MGMT: variants seen among roughly 807,000 people sequenced by gnomAD.
MGMT encodes methylated-DNA--protein-cysteine methyltransferase.
In MGMT, 14 loss-of-function variants were observed where a neutral mutation model predicts 15.9. The observed-to-expected ratio is 0.88, with a 90% CI of 0.58 to 1.37. MGMT has a LOEUF of 1.37. MGMT is among the 40% of genes most tolerant of loss of function. The probability of loss-of-function intolerance (pLI) is 0.00; values close to 1 mark genes in which losing one functional copy is unlikely to be tolerated. For synonymous variants in MGMT, 130 were observed against 118.2 expected (o/e 1.10, Z -0.65); for missense variants, 282 against 268.1 (o/e 1.05, Z -0.36).
chr10:129,547,362 C>G (rs1168383134), intron 2 of MGMT, among the ~76,000 whole-genome samples: 1 of 152,130 alleles, frequency 6.6e-6, no homozygotes, highest in East Asian at 1.9e-4. Context: ...ACTCACCTCC[C>G]CCCTTTCCTC....
intron 1 of MGMT, among the ~76,000 whole-genome samples, chr10:129,528,131 C>T (rs1845890775): frequency 6.6e-6 from 1 of 152,138 alleles, no homozygotes; most frequent in South Asian, 2.1e-4. Flanking sequence ...TTTTGTTCAA[C>T]ATATATTTGC....
chr10:129,765,988 T>C (rs927554007), intron 4 of MGMT, among the ~76,000 whole-genome samples: 4 of 152,158 alleles, frequency 2.6e-5, no homozygotes, highest in South Asian at 2.1e-4. Flanking sequence ...AGAGTCTCCC[T>C]GAGGACTGCA....
In MGMT at chr10:129,568,113, C is replaced by G. The variant is rs1441103622; in HGVS notation, c.125+31736C>G. Among the ~76,000 whole-genome samples, 5 of 152,194 alleles carry G rather than the reference C, an allele frequency of 3.3e-5. No individual in the cohort carries two copies. The East Asian group carries it at 9.6e-4, about 29-fold the overall frequency. ...AAAAGTATAGAAGTCAGGAATGGGC[C>G]GAGACAGCCTGGCTGTTTTTATGTG... On this transcript the variant is annotated intron_variant, in intron 2 of 4. Transcript: ENST00000651593.
intron 2 of MGMT, among the ~76,000 whole-genome samples, chr10:129,638,088 A>G (rs1161969077): frequency 6.6e-6 from 1 of 152,168 alleles, no homozygotes; most frequent in African/African-American, 2.4e-5. Flanking sequence ...GCTCATGCTG[A>G]AGGGGAACAT....
intron 1 of MGMT, among the ~76,000 whole-genome samples, chr10:129,516,358 A>G (rs1477282943): frequency 6.6e-6 from 1 of 152,214 alleles, no homozygotes; most frequent in African/African-American, 2.4e-5. Context: ...TGAAACGTGC[A>G]TGGCTGAGCA....
chr10:129,734,514 A>G (rs1313597477), intron 3 of MGMT, among the ~76,000 whole-genome samples: 1 of 151,904 alleles, frequency 6.6e-6, no homozygotes, highest in Non-Finnish European at 1.5e-5. Flanking sequence ...AAACAGGGAC[A>G]ATTTTACTTC....
intron 1 of MGMT, among the ~76,000 whole-genome samples, chr10:129,522,831 C>T (rs1278200647): frequency 6.6e-6 from 1 of 152,168 alleles, no homozygotes; most frequent in Admixed American, 6.5e-5. Flanking sequence ...CACAGAGAGC[C>T]CCCGGCACCT....
At chr10:129,542,829 C>T (rs891082002) in intron 2 of MGMT, among the ~76,000 whole-genome samples, 7 of 152,286 alleles carry the variant, frequency 4.6e-5, no homozygotes, top group South Asian at 4.1e-4. Context: ...GATTCCATGT[C>T]GGTGAGGCCT....
intron 1 of MGMT, among the ~76,000 whole-genome samples, chr10:129,508,895 CT>C (rs202187610): frequency 0.023 from 3,571 of 152,012 alleles, 85 homozygotes; most frequent in Middle Eastern, 0.037. Flanking sequence ...GATCAGATTG[CT>C]TACTTGGTTG....
At chr10:129,759,823 C>A (rs1004728983) in intron 4 of MGMT, among the ~76,000 whole-genome samples, 1 of 152,136 alleles carries the variant, frequency 6.6e-6, no homozygotes, top group Non-Finnish European at 1.5e-5. Context: ...GCTGCACTCC[C>A]CCTGAGGCCC....
intron 3 of MGMT, among the ~76,000 whole-genome samples, chr10:129,719,035 G>A (rs559678557): frequency 3.2e-4 from 49 of 151,970 alleles, no homozygotes; most frequent in East Asian, 1.2e-3. Flanking sequence ...GAGCCGGTCC[G>A]TCTGCCTGCT....
intron 2 of MGMT, among the ~76,000 whole-genome samples, chr10:129,560,395 C>T (rs1846263076): frequency 6.6e-6 from 1 of 152,190 alleles, no homozygotes; most frequent in Admixed American, 6.5e-5. Flanking sequence ...GACACAGCTC[C>T]AGGCAGTAAT....
chr10:129,632,675 TG>T (rs2133083880), intron 2 of MGMT, among the ~76,000 whole-genome samples: 1 of 152,328 alleles, frequency 6.6e-6, no homozygotes, highest in South Asian at 2.1e-4. Context: ...TTGGTAACTC[TG>T]GAAGGCTTGT....
At chr10:129,733,389 A>G (rs1402213050) in intron 3 of MGMT, among the ~76,000 whole-genome samples, 1 of 151,924 alleles carries the variant, frequency 6.6e-6, no homozygotes, top group African/African-American at 2.4e-5. Flanking sequence ...TCCTTCGCCC[A>G]CTTTTTTGAT....
intron 2 of MGMT, 148 bp downstream of exon 2, chr10:129,536,525 T>C (rs10734087): frequency 1 from 979,644 of 979,964 alleles, 489,665 homozygotes; most frequent in East Asian, 1. Context: ...CTCAAAACAG[T>C]GTGCTGCGAC....
intron 1 of MGMT, among the ~76,000 whole-genome samples, chr10:129,483,181 T>A (rs967749612): frequency 1.5e-4 from 23 of 152,224 alleles, no homozygotes; most frequent in Non-Finnish European, 5.9e-5. Context: ...ATAAGCACCT[T>A]AACAAAAGTA....
chr10:129,501,310 A>G (rs960340098), intron 1 of MGMT, among the ~76,000 whole-genome samples: 1 of 152,102 alleles, frequency 6.6e-6, no homozygotes, highest in African/African-American at 2.4e-5. Context: ...GGATGCCTTT[A>G]TTATCTCTAG....
chr10:129,633,052 G>A lies in MGMT; in HGVS notation c.126-74843G>A, dbSNP rs371657519. Among the ~76,000 whole-genome samples, 24 of 152,178 alleles carry A rather than the reference G, an allele frequency of 1.6e-4. No individual in the cohort carries two copies. The South Asian group carries it at 5.0e-3, about 32-fold the overall frequency. On this transcript the variant is annotated intron_variant, in intron 2 of 4. Coordinates refer to ENST00000651593, the MANE Select transcript of MGMT (RefSeq NM_002412.5). ...AAAATATTTGGTGTTTTGAAGGATG[G>A]GCCGGAAATGGGGATGTTTTTGTAT... is the stretch of plus-strand genomic sequence containing the variant.
intron 2 of MGMT, among the ~76,000 whole-genome samples, chr10:129,620,382 A>G (rs1377268521): frequency 6.6e-6 from 1 of 152,172 alleles, no homozygotes; most frequent in East Asian, 1.9e-4. Flanking sequence ...GGTCTTCCCT[A>G]TCTTCTGACT....
Sources: gnomAD v4.1 joint callset for allele counts (sites outside exome capture counted in the v4.1 genomes callset) on GRCh38, gnomAD v4.1.1 for gene constraint, MANE v1.5 for transcripts, NCBI Gene and HGNC (gene_info 2026-07-23, HGNC 2026-07-21) for gene names.